Variants in DCC observed in about 807,000 individuals in gnomAD.
DCC encodes DCC netrin 1 receptor, also known as netrin receptor DCC.
Under a neutral mutation model 172.5 loss-of-function variants are expected in DCC, and 58 were observed. The observed-to-expected ratio is 0.34, with a 90% confidence interval of 0.27 to 0.42. DCC has a LOEUF of 0.42. DCC is among the 10% of genes least tolerant of loss of function. The pLI is 1.00. For synonymous variants in DCC, 709 were observed against 644.5 expected (o/e 1.10, Z -1.52); for missense variants, 1,740 against 1,791.0 (o/e 0.97, Z 0.51).
intron 1 of DCC, among the ~76,000 whole-genome samples, chr18:52,612,178 A>T (rs2034288626): frequency 1.3e-5 from 2 of 152,074 alleles, no homozygotes; most frequent in African/African-American, 2.4e-5. Flanking sequence ...ATTTGCTCTT[A>T]TCTTTGCAAC....
intron 1 of DCC, among the ~76,000 whole-genome samples, chr18:52,403,951 G>A (rs3862679): frequency 0.77 from 116,783 of 151,942 alleles, 45,121 homozygotes; most frequent in Middle Eastern, 0.81. Context: ...TTAGTCATGG[G>A]CAATTAGTAA....
chr18:53,419,822 A>G, intron 21 of DCC, among the ~76,000 whole-genome samples: 1 of 119,268 alleles, frequency 8.4e-6, no homozygotes, highest in South Asian at 2.5e-4. Flanking sequence ...ACATTCCAAA[A>G]GCCTTTTTTT....
chr18:53,209,701 T>C (rs559119152), intron 11 of DCC, among the ~76,000 whole-genome samples: 1 of 152,232 alleles, frequency 6.6e-6, no homozygotes, highest in Non-Finnish European at 1.5e-5. Context: ...AATTCTGTTA[T>C]TGAAGACAGA....
intron 9 of DCC, among the ~76,000 whole-genome samples, chr18:53,187,429 C>CT (rs934319322): frequency 3.3e-5 from 5 of 151,988 alleles, no homozygotes; most frequent in African/African-American, 9.7e-5. Context: ...GCTCTATTTC[C>CT]TTTTTTTAAC....
intron 1 of DCC, among the ~76,000 whole-genome samples, chr18:52,682,970 A>G (rs773718788): frequency 6.6e-6 from 1 of 152,204 alleles, no homozygotes. Context: ...AGAGACTAAG[A>G]AAGAGTAGAA....
At chr18:53,037,335 A>G (rs1004306623) in intron 5 of DCC, among the ~76,000 whole-genome samples, 51 of 152,054 alleles carry the variant, frequency 3.4e-4, no homozygotes, top group African/African-American at 1.2e-3. Flanking sequence ...GGAAGTAAAC[A>G]TAGTCACAGA....
At chr18:52,576,183 G>C (rs2033406923) in intron 1 of DCC, among the ~76,000 whole-genome samples, 1 of 152,146 alleles carries the variant, frequency 6.6e-6, no homozygotes, top group South Asian at 2.1e-4. Context: ...AGTTTCCTTT[G>C]CTAGACGCCA....
At chr18:52,515,789 C>T (rs965368394) in intron 1 of DCC, among the ~76,000 whole-genome samples, 8 of 149,616 alleles carry the variant, frequency 5.3e-5, no homozygotes, top group African/African-American at 2.0e-4. Flanking sequence ...TGTAAAAGAC[C>T]CTTTGAAGAA....
At chr18:52,496,306 AAAC>A (rs1384255021) in intron 1 of DCC, among the ~76,000 whole-genome samples, 3 of 152,298 alleles carry the variant, frequency 2.0e-5, no homozygotes, top group African/African-American at 7.2e-5. Context: ...ACATCAATAA[AAAC>A]AACAAAAATA....
At chr18:52,519,605 G>A (rs1288338461) in intron 1 of DCC, among the ~76,000 whole-genome samples, 5 of 152,146 alleles carry the variant, frequency 3.3e-5, no homozygotes, top group African/African-American at 1.2e-4. Context: ...AAAAGAAATG[G>A]AAGGAATTTG....
chr18:52,692,389 T>G (rs555281794), intron 1 of DCC, among the ~76,000 whole-genome samples: 31 of 152,264 alleles, frequency 2.0e-4, no homozygotes, highest in Non-Finnish European at 3.8e-4. Flanking sequence ...TTCTGCCACC[T>G]TCTGTTGTTT....
intron 5 of DCC, among the ~76,000 whole-genome samples, chr18:52,991,009 A>G (rs1418795278): frequency 6.6e-6 from 1 of 152,180 alleles, no homozygotes; most frequent in Non-Finnish European, 1.5e-5. Context: ...TAAATCGCCT[A>G]AGTTCATACA....
chr18:53,197,693 TC>T (rs1203091643), intron 9 of DCC, among the ~76,000 whole-genome samples: 2 of 151,978 alleles, frequency 1.3e-5, no homozygotes, highest in Admixed American at 6.6e-5. Context: ...ATATTCAGAT[TC>T]TTTTTTGAAA....
intron 9 of DCC, among the ~76,000 whole-genome samples, chr18:53,192,198 G>A (rs533441352): frequency 3.9e-5 from 6 of 152,268 alleles, no homozygotes; most frequent in Admixed American, 2.6e-4. Context: ...GTGGAAGGGC[G>A]TTAAAGGTGC....
In DCC at chr18:52,665,041, C is replaced by T. The variant is rs564804096; in HGVS notation, c.92-87013C>T. On this transcript the variant is annotated intron_variant, in intron 1 of 28. Coordinates refer to ENST00000442544, the MANE Select transcript of DCC (RefSeq NM_005215.4). ...TATTGGCCCTTTTGGGACATGACTG[C>T]AGAATATTAGAACTTCTCTTTATAG... is the stretch of plus-strand genomic sequence containing the variant. Among the ~76,000 whole-genome samples the T allele has an allele frequency of 1.3e-4, 20 of 152,304 alleles. No individual in the cohort carries two copies. The East Asian group carries it at 1.7e-3, about 13-fold the overall frequency.
chr18:53,502,305 G>GTGTT, intron 27 of DCC, among the ~76,000 whole-genome samples: 1 of 152,132 alleles, frequency 6.6e-6, no homozygotes. Flanking sequence ...TTTTCCTTTA[G>GTGTT]TGTTTCTCTC....
chr18:53,187,880 T>C (rs1249671527), intron 9 of DCC, among the ~76,000 whole-genome samples: 1 of 152,164 alleles, frequency 6.6e-6, no homozygotes, highest in Non-Finnish European at 1.5e-5. Flanking sequence ...AATAGAAAGA[T>C]TTTAAGCCTA....
intron 1 of DCC, among the ~76,000 whole-genome samples, chr18:52,485,403 T>A (rs2030169166): frequency 6.6e-6 from 1 of 152,124 alleles, no homozygotes; most frequent in African/African-American, 2.4e-5. Flanking sequence ...ATGGACTATA[T>A]CGCCGGAGAG....
intron 1 of DCC, among the ~76,000 whole-genome samples, chr18:52,383,023 A>C (rs1346847691): frequency 6.6e-6 from 1 of 152,140 alleles, no homozygotes; most frequent in Non-Finnish European, 1.5e-5. Flanking sequence ...AAATTTATTT[A>C]ATCATTTCTC....
Sources: gnomAD v4.1 joint callset for allele counts (sites outside exome capture counted in the v4.1 genomes callset) on GRCh38, gnomAD v4.1.1 for gene constraint, MANE v1.5 for transcripts, NCBI Gene and HGNC (gene_info 2026-07-23, HGNC 2026-07-21) for gene names.